Variants in MSN observed in about 807,000 individuals in gnomAD.
The protein encoded by MSN is moesin, also known as epididymis luminal protein 70.
MSN carries 2 observed loss-of-function variants against 48.0 expected under a neutral mutation model. The ratio of observed to expected loss-of-function variants is 0.04; its 90% CI spans 0.02 to 0.13. The LOEUF is 0.13. Among genes scored for constraint, MSN ranks in the 10% least tolerant of loss-of-function variants. The pLI is 1.00. For synonymous variants in MSN, 146 were observed against 166.9 expected, an observed-to-expected ratio of 0.87 and a Z score of 0.97; for missense variants, 267 against 470.1, an observed-to-expected ratio of 0.57 and a Z score of 3.99.
Position 65,737,239 on chromosome X carries a change from C to T in MSN, c.1152C>T (p.Ser384=), listed in dbSNP as rs765570843. 2.5e-6 allele frequency: 3 copies of T among 1,207,848 alleles called. No individual in the cohort carries two copies. Among genetic ancestry groups the T allele is most frequent in the Admixed American group, 2.2e-5 (1 of 45,589 alleles). ...AGCAGGAACGGAAGCGTGCCCAGAGCGAGGCTGAAAAGCTGGCCAAGGAGC... is the reference window on the plus strand; with the variant it reads ...AGCAGGAACGGAAGCGTGCCCAGAGTGAGGCTGAAAAGCTGGCCAAGGAGC... ...ELEQERKRAQ[S]EAEKLAKERQ... The change falls in exon 10 of 13, where the codon AGC becomes AGT. Residue 384 remains serine, a synonymous_variant. Transcript: ENST00000360270.
At chrX:65,640,218 T>G (rs2070638137) in intron 1 of MSN, among the ~76,000 whole-genome samples, 1 of 111,637 alleles carries the variant, frequency 9.0e-6, no homozygotes, top group Non-Finnish European at 1.9e-5. Flanking sequence ...TCCAAATCAT[T>G]TCCCTCACGT....
chrX:65,728,405 T>G (rs2071589291), intron 3 of MSN, among the ~76,000 whole-genome samples: 1 of 111,674 alleles, frequency 9.0e-6, no homozygotes, highest in African/African-American at 3.3e-5. Flanking sequence ...GCCATTCTCC[T>G]GCTTCAGCCT....
chrX:65,639,586 A>G (rs772337430), intron 1 of MSN, among the ~76,000 whole-genome samples: 1 of 111,891 alleles, frequency 8.9e-6, no homozygotes, highest in African/African-American at 3.2e-5. Context: ...CTAAGCCAGC[A>G]TGTGGGTATT....
chrX:65,726,813 G>A (rs1454833473), intron 2 of MSN, among the ~76,000 whole-genome samples: 4 of 111,635 alleles, frequency 3.6e-5, no homozygotes, highest in Non-Finnish European at 7.5e-5. Flanking sequence ...CCTAAGGCCA[G>A]CCTGACCTCA....
intron 2 of MSN, among the ~76,000 whole-genome samples, chrX:65,722,561 A>C (rs1247286386): frequency 9.1e-6 from 1 of 109,694 alleles, no homozygotes; most frequent in East Asian, 2.8e-4. Context: ...AGTAGCTGGG[A>C]CCACAGGTGC....
chrX:65,720,556 G>A (rs914718928), intron 2 of MSN, among the ~76,000 whole-genome samples: 2 of 112,181 alleles, frequency 1.8e-5, no homozygotes, highest in East Asian at 5.6e-4. Flanking sequence ...GGCATTTGGG[G>A]GATGTGAGCT....
At chrX:65,627,963 C>T (rs2070521739) in intron 1 of MSN, among the ~76,000 whole-genome samples, 1 of 112,520 alleles carries the variant, frequency 8.9e-6, no homozygotes. Context: ...AATTTTAAAG[C>T]TCCAAAATGA....
intron 1 of MSN, among the ~76,000 whole-genome samples, chrX:65,607,097 T>C (rs1009507461): frequency 8.9e-6 from 1 of 112,361 alleles, no homozygotes; most frequent in African/African-American, 3.2e-5. Context: ...ATTTTATACA[T>C]CTTTTCATTT....
chrX:65,631,244 C>T (rs772507828), intron 1 of MSN, among the ~76,000 whole-genome samples: 1 of 110,226 alleles, frequency 9.1e-6, no homozygotes, highest in Non-Finnish European at 1.9e-5. Flanking sequence ...CAGGCGCCCA[C>T]CACCATGCCC....
At chrX:65,705,684 A>G (rs2071355083) in intron 1 of MSN, among the ~76,000 whole-genome samples, 1 of 111,992 alleles carries the variant, frequency 8.9e-6, no homozygotes, top group Non-Finnish European at 1.9e-5. Context: ...CAAGGTGGTT[A>G]TATTTCCATT....
intron 1 of MSN, among the ~76,000 whole-genome samples, chrX:65,709,947 G>C (rs907587082): frequency 1.8e-5 from 2 of 111,798 alleles, no homozygotes; most frequent in African/African-American, 6.5e-5. Flanking sequence ...ACAGGATTAA[G>C]GCCCAACCTT....
At chrX:65,670,912 A>ATATATATATATATATATT (rs2070930323) in intron 1 of MSN, among the ~76,000 whole-genome samples, 1 of 35,188 alleles carries the variant, frequency 2.8e-5, no homozygotes, top group African/African-American at 1.2e-4. Context: ...ATATATATAT[A>ATATATATATATATATATT]TATATATATA....
At chrX:65,681,216 C>T (rs916607004) in intron 1 of MSN, among the ~76,000 whole-genome samples, 4 of 111,950 alleles carry the variant, frequency 3.6e-5, no homozygotes, top group African/African-American at 1.3e-4. Flanking sequence ...TAGTATTGTA[C>T]TATCTTCTAT....
At chrX:65,648,447 G>A (rs764373640) in intron 1 of MSN, among the ~76,000 whole-genome samples, 8 of 112,088 alleles carry the variant, frequency 7.1e-5, no homozygotes, top group Non-Finnish European at 1.1e-4. Flanking sequence ...CAGCTACTTG[G>A]GAGGCTGAGG....
rs187606512 is a variant in MSN at position 65,678,220 on chromosome X, T to G, written c.12+10367T>G. 4.6e-3 allele frequency among the ~76,000 whole-genome samples: 510 copies of G among 111,955 alleles called. 4 individuals carry two copies. Among genetic ancestry groups the G allele is most frequent in the African/African-American group, 0.016 (488 of 30,789 alleles). ...CAACTAGTCCTCTGTTCTCCTTTAG[T>G]ACAGGGAATGCCTTCTTCAAGTTTA... On this transcript the variant is annotated intron_variant, in intron 1 of 12. Coordinates refer to ENST00000360270, the MANE Select transcript of MSN (RefSeq NM_002444.3).
At chrX:65,667,347 G>A (rs1230207360), upstream of MSN, among the ~76,000 whole-genome samples, 1 of 110,884 alleles carries the variant, frequency 9.0e-6, no homozygotes, top group Non-Finnish European at 1.9e-5. Context: ...GGCTGAGTAA[G>A]CATCTGTCAG....
chrX:65,685,257 T>G (rs1025907682), intron 1 of MSN, among the ~76,000 whole-genome samples: 1 of 111,972 alleles, frequency 8.9e-6, no homozygotes. Context: ...AGATCCTGTG[T>G]CTAAATGAGC....
chrX:65,607,771 A>T (rs1402475821), intron 1 of MSN, among the ~76,000 whole-genome samples: 2 of 110,779 alleles, frequency 1.8e-5, no homozygotes, highest in Non-Finnish European at 3.8e-5. Flanking sequence ...AATGTTTGAA[A>T]GACAGGAGGC....
At chrX:65,733,704 T>C (rs1377780400) in intron 7 of MSN, among the ~76,000 whole-genome samples, 1 of 112,215 alleles carries the variant, frequency 8.9e-6, no homozygotes. Flanking sequence ...TTTCTTTTTT[T>C]TGATGGAGTC....
Sources: gnomAD v4.1 joint callset for allele counts (sites outside exome capture counted in the v4.1 genomes callset) on GRCh38, gnomAD v4.1.1 for gene constraint, MANE v1.5 for transcripts, NCBI Gene and HGNC (gene_info 2026-07-23, HGNC 2026-07-21) for gene names.